Variants in SASH1 observed in about 807,000 individuals in gnomAD.
SASH1 encodes the protein SAM and SH3 domain-containing protein 1.
In SASH1, 44 loss-of-function variants were observed where a neutral mutation model predicts 125.2. The ratio of observed to expected loss-of-function variants is 0.35; its 90% CI spans 0.28 to 0.45. The LOEUF (loss-of-function observed/expected upper bound fraction) is 0.45, where lower values mean the gene tolerates loss of function less well. SASH1 is among the 20% of genes least tolerant of loss of function. The pLI is 1.00. For missense variants in SASH1, 1,426 were observed against 1,614.5 expected (o/e 0.88, Z 2.00); for synonymous variants, 639 against 649.1 (o/e 0.98, Z 0.24).
chr6:148,353,425 T>G (rs1781809953), intron 1 of SASH1, among the ~76,000 whole-genome samples: 1 of 146,580 alleles, frequency 6.8e-6, no homozygotes, highest in South Asian at 2.2e-4. Flanking sequence ...ACATGTTCAA[T>G]TTAAGATTGA....
intron 2 of SASH1, among the ~76,000 whole-genome samples, chr6:148,424,761 A>C: frequency 1.3e-5 from 2 of 152,270 alleles, no homozygotes; most frequent in Middle Eastern, 6.8e-3. Flanking sequence ...AGATACACCT[A>C]CCCCTTCACC....
At chr6:148,229,896 G>A in the SASH1 span, among the ~76,000 whole-genome samples, 1 of 152,100 alleles carries the variant, frequency 6.6e-6, no homozygotes, top group Admixed American at 6.6e-5. Flanking sequence ...ATTTTTAGCA[G>A]AGACGGGGTT....
chr6:148,309,365 C>A (rs1217085899), intron 1 of SASH1, among the ~76,000 whole-genome samples: 1 of 152,140 alleles, frequency 6.6e-6, no homozygotes, highest in African/African-American at 2.4e-5. Context: ...ATCCATGGAG[C>A]TGAAGGTCAC....
intron 2 of SASH1, among the ~76,000 whole-genome samples, chr6:148,395,743 GT>G (rs1364077808): frequency 2.0e-5 from 3 of 152,052 alleles, no homozygotes; most frequent in Non-Finnish European, 4.4e-5. Context: ...GGCACCATGT[GT>G]TTTTTTGGCT....
intron 8 of SASH1, chr6:148,513,442 C>T (rs1562472021): frequency 1.0e-6 from 1 of 985,326 alleles, no homozygotes; most frequent in Non-Finnish European, 1.2e-6. Flanking sequence ...TGAACAGATA[C>T]AACAGAGGAA....
chr6:148,229,412 A>T, the SASH1 span, among the ~76,000 whole-genome samples: 1 of 152,054 alleles, frequency 6.6e-6, no homozygotes, highest in Non-Finnish European at 1.5e-5. Context: ...TTAAATTAAC[A>T]TTCGGGCAAA....
chr6:148,526,201 T>A (rs1209430724), intron 11 of SASH1, among the ~76,000 whole-genome samples: 13 of 151,862 alleles, frequency 8.6e-5, no homozygotes, highest in African/African-American at 2.9e-4. Flanking sequence ...CTGGCTAGGA[T>A]TACAGGTGCA....
At chr6:148,242,854 C>T in the SASH1 span, among the ~76,000 whole-genome samples, 2 of 152,272 alleles carry the variant, frequency 1.3e-5, no homozygotes, top group East Asian at 1.9e-4. Context: ...ATCATTTCTT[C>T]CTTAAGGACC....
rs1464141443 is a variant in SASH1, at chr6:148,375,812, A to AGT, written c.157-14318_157-14317dup. Among the ~76,000 whole-genome samples, 6 of 152,314 alleles carry AGT rather than the reference A, an allele frequency of 3.9e-5. No individual in the cohort carries two copies. In the East Asian group the frequency reaches 9.7e-4, roughly 25 times the overall value. ...ATTTTTCCTGTATATTACAGATCAGAGTGTGGTATAGGATGAACGCAACAG... is the reference window on the plus strand; with the variant it reads ...ATTTTTCCTGTATATTACAGATCAGAGTGTGTGGTATAGGATGAACGCAACAG... On this transcript the variant is annotated intron_variant, in intron 1 of 19. Coordinates refer to ENST00000367467, the MANE Select transcript of SASH1 (RefSeq NM_015278.5).
intron 5 of SASH1, 24 bp downstream of exon 5, chr6:148,468,609 A>G: frequency 6.6e-7 from 1 of 1,511,786 alleles, no homozygotes; most frequent in South Asian, 1.2e-5. Flanking sequence ...TTCTTGGTTT[A>G]CCTATTTAAT....
At chr6:148,366,405 G>A (rs1562355241) in intron 1 of SASH1, among the ~76,000 whole-genome samples, 2 of 152,170 alleles carry the variant, frequency 1.3e-5, no homozygotes, top group African/African-American at 2.4e-5. Context: ...TGGATACTTG[G>A]AAGGAGACGA....
At chr6:148,391,086 A>C (rs1783696500) in intron 2 of SASH1, among the ~76,000 whole-genome samples, 1 of 152,024 alleles carries the variant, frequency 6.6e-6, no homozygotes, top group South Asian at 2.1e-4. Context: ...AAAAATCAGC[A>C]AAACTAGCCC....
At chr6:148,457,216 A>G (rs770022423) in intron 4 of SASH1, among the ~76,000 whole-genome samples, 3 of 131,686 alleles carry the variant, frequency 2.3e-5, no homozygotes, top group Non-Finnish European at 4.6e-5. Flanking sequence ...TTTTATGCCT[A>G]CTGAAGAATC....
intron 4 of SASH1, among the ~76,000 whole-genome samples, chr6:148,455,822 C>T (rs1271722482): frequency 6.6e-6 from 1 of 152,158 alleles, no homozygotes; most frequent in African/African-American, 2.4e-5. Flanking sequence ...GGCAGGTGGG[C>T]GGCTCCCACA....
intron 2 of SASH1, among the ~76,000 whole-genome samples, chr6:148,393,352 G>A (rs987630789): frequency 6.6e-6 from 1 of 151,842 alleles, no homozygotes; most frequent in Admixed American, 6.6e-5. Context: ...AAGCCACCGC[G>A]CCTGGCCAGA....
intron 2 of SASH1, among the ~76,000 whole-genome samples, chr6:148,437,387 C>T (rs551508066): frequency 1.3e-5 from 2 of 152,124 alleles, no homozygotes; most frequent in Non-Finnish European, 2.9e-5. Context: ...AAAAGTTATT[C>T]TCTTACTTGG....
the SASH1 span, among the ~76,000 whole-genome samples, chr6:148,247,351 G>A: frequency 2.2e-3 from 338 of 152,272 alleles, no homozygotes; most frequent in African/African-American, 7.9e-3. Flanking sequence ...AAGAAATTAA[G>A]GTTCGATGAA....
At chr6:148,377,362 T>A (rs544597416) in intron 1 of SASH1, among the ~76,000 whole-genome samples, 1 of 152,286 alleles carries the variant, frequency 6.6e-6, no homozygotes, top group Non-Finnish European at 1.5e-5. Flanking sequence ...AGATGGGCTA[T>A]CTTTATTTTA....
At position 148,532,022 on chromosome 6, in the gene SASH1, G is replaced by A. The variant is rs886678210; in HGVS notation, c.1564+361G>A. ...AATTTTATATGTGACTGATAAATTC[G>A]GGCCAATGGTAGTTGGAGTTGGCTG... On this transcript the variant is annotated intron_variant, in intron 13 of 19. Transcript: ENST00000367467. The surrounding 1 kb of genome is among the most constrained non-coding windows in gnomAD (Gnocchi z 4.7). Among the ~76,000 whole-genome samples, 12 of 152,102 alleles carry A rather than the reference G, an allele frequency of 7.9e-5. No individual in the cohort carries two copies. The highest frequency in any genetic ancestry group is 1.9e-4 in the African/African-American group (8 of 41,400).
Sources: allele counts gnomAD v4.1 joint callset (sites outside exome capture counted in the v4.1 genomes callset), GRCh38; gene constraint gnomAD v4.1.1; non-coding constraint Gnocchi (gnomAD v3.1); transcripts MANE v1.5; gene names NCBI Gene and HGNC (gene_info 2026-07-23, HGNC 2026-07-21).